Variants in GABRG3 observed in about 807,000 individuals in gnomAD.
GABRG3 encodes gamma-aminobutyric acid type A receptor subunit gamma3.
GABRG3 carries 25 observed loss-of-function variants against 48.8 expected under a neutral mutation model. That is an observed-to-expected ratio of 0.51 (90% CI 0.37 to 0.72). GABRG3 has a LOEUF of 0.72. Among genes scored for constraint, GABRG3 ranks in the 30% least tolerant of loss-of-function variants. The pLI is 0.00. For synonymous variants in GABRG3, 227 were observed against 217.6 expected (o/e 1.04, Z -0.38); for missense variants, 394 against 577.9 (o/e 0.68, Z 3.26).
intron 3 of GABRG3, among the ~76,000 whole-genome samples, chr15:27,214,694 ATT>A (rs58631276): frequency 0.26 from 37,378 of 145,748 alleles, 5,123 homozygotes; most frequent in African/African-American, 0.4. Context: ...TCACATCCAC[ATT>A]TTTTTTTTTT....
At position 26,974,956 on chromosome 15, in the gene GABRG3, C is replaced by T. The variant is rs942163548; in HGVS notation, c.54-2046C>T. Among the ~76,000 whole-genome samples the T allele has an allele frequency of 2.6e-5, 4 of 151,248 alleles. No homozygotes were observed. Among genetic ancestry groups the T allele is most frequent in the African/African-American group, 7.3e-5 (3 of 41,226 alleles). ...TGACACTATCTCGGCTCACTGCAAC[C>T]TCTGCCTCCTGGGTTCAAGCAATTC... is the stretch of plus-strand genomic sequence containing the variant. On this transcript the variant is annotated intron_variant, in intron 1 of 9. Coordinates refer to ENST00000615808, the MANE Select transcript of GABRG3 (RefSeq NM_033223.5). The surrounding 1 kb of genome is among the most constrained non-coding windows in gnomAD (Gnocchi z 4.3).
intron 5 of GABRG3, among the ~76,000 whole-genome samples, chr15:27,355,794 T>A (rs113712063): frequency 0.01 from 1,534 of 152,152 alleles, 30 homozygotes; most frequent in African/African-American, 0.035. Flanking sequence ...AGCCTTAAAA[T>A]GGAAGGAAAT....
At chr15:27,423,893 T>C (rs1300209231) in intron 5 of GABRG3, among the ~76,000 whole-genome samples, 1 of 152,016 alleles carries the variant, frequency 6.6e-6, no homozygotes, top group Non-Finnish European at 1.5e-5. Flanking sequence ...CAAAATAGGA[T>C]TGATGATAGT....
intron 3 of GABRG3, among the ~76,000 whole-genome samples, chr15:27,164,736 C>A (rs1887319228): frequency 6.6e-6 from 1 of 152,210 alleles, no homozygotes; most frequent in African/African-American, 2.4e-5. Flanking sequence ...TACGTCGAAC[C>A]TTTTGTGGCT....
At chr15:27,107,129 A>G (rs1270766623) in intron 3 of GABRG3, among the ~76,000 whole-genome samples, 1 of 152,052 alleles carries the variant, frequency 6.6e-6, no homozygotes, top group Non-Finnish European at 1.5e-5. Context: ...TTACCATTAA[A>G]TATTCCTAGT....
chr15:27,210,531 T>C (rs1352267217), intron 3 of GABRG3, among the ~76,000 whole-genome samples: 3 of 152,110 alleles, frequency 2.0e-5, no homozygotes, highest in Non-Finnish European at 4.4e-5. Context: ...AACCCCAAAT[T>C]GATACACAAT....
At chr15:26,987,182 C>T (rs368893364) in intron 2 of GABRG3, among the ~76,000 whole-genome samples, 2 of 151,168 alleles carry the variant, frequency 1.3e-5, no homozygotes, top group East Asian at 2.0e-4. Flanking sequence ...GGCGTGAGCC[C>T]GGGAGGCGGA....
chr15:27,510,781 A>G (rs1038299761), intron 6 of GABRG3, among the ~76,000 whole-genome samples: 20 of 152,240 alleles, frequency 1.3e-4, no homozygotes, highest in Admixed American at 8.5e-4. Context: ...TTGGCCAAGA[A>G]TTACTTGTTC....
chr15:27,401,119 A>G (rs991642507), intron 5 of GABRG3, among the ~76,000 whole-genome samples: 6 of 152,226 alleles, frequency 3.9e-5, no homozygotes, highest in African/African-American at 1.4e-4. Flanking sequence ...CTCACATCGT[A>G]TTACAATGAT....
Position 26,979,223 on chromosome 15 carries a change from T to A in GABRG3, c.202+2073T>A, listed in dbSNP as rs559123829. On this transcript the variant is annotated intron_variant, in intron 2 of 9. Coordinates refer to ENST00000615808, the MANE Select transcript of GABRG3 (RefSeq NM_033223.5). The stretch of plus-strand genomic sequence containing the variant: ...TATTAGTTATAGAAGTTTGGGACTT[T>A]TTTTGTTTGTTTGTTTTGTAGGTTC... Among the ~76,000 whole-genome samples the A allele has an allele frequency of 1.9e-4, 29 of 152,356 alleles. No homozygotes were observed. In the South Asian group the frequency reaches 5.6e-3, roughly 29 times the overall value.
intron 2 of GABRG3, among the ~76,000 whole-genome samples, chr15:27,001,073 T>A (rs1895438043): frequency 6.6e-6 from 1 of 152,198 alleles, no homozygotes; most frequent in Non-Finnish European, 1.5e-5. Flanking sequence ...TCACGAGCCA[T>A]AGGCTAGAAA....
chr15:27,301,101 A>T (rs1892190656), intron 3 of GABRG3, among the ~76,000 whole-genome samples: 1 of 152,202 alleles, frequency 6.6e-6, no homozygotes, highest in Non-Finnish European at 1.5e-5. Context: ...CAACAGAGAG[A>T]AAAATATTGA....
At chr15:27,513,855 A>G (rs1322493186) in intron 6 of GABRG3, among the ~76,000 whole-genome samples, 3 of 152,230 alleles carry the variant, frequency 2.0e-5, no homozygotes, top group Admixed American at 6.5e-5. Context: ...ATTTAAATAC[A>G]TCATCCATAG....
At chr15:27,196,392 C>T (rs1365056493) in intron 3 of GABRG3, among the ~76,000 whole-genome samples, 1 of 152,128 alleles carries the variant, frequency 6.6e-6, no homozygotes, top group Admixed American at 6.5e-5. Flanking sequence ...AAACTGTGCT[C>T]GCTGTGAGCT....
intron 3 of GABRG3, among the ~76,000 whole-genome samples, chr15:27,312,221 A>T (rs1311153862): frequency 1.3e-5 from 2 of 152,144 alleles, no homozygotes; most frequent in South Asian, 2.1e-4. Flanking sequence ...GAAACAGTGA[A>T]CATGAAGACA....
At chr15:27,322,217 A>G (rs1566784646) in intron 3 of GABRG3, among the ~76,000 whole-genome samples, 2 of 152,242 alleles carry the variant, frequency 1.3e-5, no homozygotes, top group African/African-American at 2.4e-5. Context: ...TGTAGACACA[A>G]TAAAACATCC....
chr15:27,164,882 T>C (rs943679126), intron 3 of GABRG3, among the ~76,000 whole-genome samples: 3 of 152,246 alleles, frequency 2.0e-5, no homozygotes, highest in African/African-American at 4.8e-5. Flanking sequence ...GTGATATTAA[T>C]ACAGGTGGGC....
At chr15:27,477,359 G>A (rs537684859) in intron 5 of GABRG3, among the ~76,000 whole-genome samples, 1 of 152,284 alleles carries the variant, frequency 6.6e-6, no homozygotes, top group East Asian at 1.9e-4. Context: ...CCTTAAGACA[G>A]TCTAGAAAAG....
At chr15:27,047,142 T>TA (rs1368204080) in intron 3 of GABRG3, among the ~76,000 whole-genome samples, 11 of 152,190 alleles carry the variant, frequency 7.2e-5, no homozygotes, top group Non-Finnish European at 1.2e-4. Flanking sequence ...AAATCCAACA[T>TA]ATAGGGTATC....
Sources: allele counts gnomAD v4.1 joint callset (sites outside exome capture counted in the v4.1 genomes callset), GRCh38; gene constraint gnomAD v4.1.1; non-coding constraint Gnocchi (gnomAD v3.1); transcripts MANE v1.5; gene names NCBI Gene and HGNC (gene_info 2026-07-23, HGNC 2026-07-21).